The following TSPAN18 variants were observed in gnomAD, a reference collection of about 807,000 sequenced individuals.
The protein encoded by TSPAN18 is tetraspanin 18.
A neutral mutation model predicts 27.3 loss-of-function variants in TSPAN18; 14 were observed. The observed-to-expected ratio is 0.51, with a 90% CI of 0.34 to 0.80. The LOEUF (loss-of-function observed/expected upper bound fraction) is 0.80, where lower values mean the gene tolerates loss of function less well. Ranked by LOEUF, TSPAN18 falls within the 30% of genes least tolerant of loss-of-function variation. The pLI is 0.01. For synonymous variants in TSPAN18, 143 were observed against 136.5 expected, an observed-to-expected ratio of 1.05 and a Z score of -0.33; for missense variants, 268 against 323.9, an observed-to-expected ratio of 0.83 and a Z score of 1.32.
chr11:44,896,715 G>C (rs1465237844), intron 3 of TSPAN18, among the ~76,000 whole-genome samples: 1 of 152,082 alleles, frequency 6.6e-6, no homozygotes, highest in Non-Finnish European at 1.5e-5. Context: ...TATGCCGGTG[G>C]AGTTAGTCCT....
chr11:44,805,980 A>G (rs1464966097), intron 2 of TSPAN18, among the ~76,000 whole-genome samples: 1 of 151,818 alleles, frequency 6.6e-6, no homozygotes, highest in Non-Finnish European at 1.5e-5. Flanking sequence ...GATTCTTTCC[A>G]TATAAGGTCG....
intron 3 of TSPAN18, among the ~76,000 whole-genome samples, chr11:44,872,338 C>T (rs924790245): frequency 2.6e-5 from 4 of 152,166 alleles, no homozygotes; most frequent in South Asian, 2.1e-4. Context: ...AATGAAGTCA[C>T]GTTGGGGGTT....
intron 2 of TSPAN18, among the ~76,000 whole-genome samples, chr11:44,795,211 G>A (rs1002363634): frequency 3.1e-4 from 47 of 151,908 alleles, no homozygotes; most frequent in Non-Finnish European, 2.8e-4. Flanking sequence ...CGGTCCTCAC[G>A]CCAGCTGCTT....
At chr11:44,925,446 C>T (rs945329058) in intron 8 of TSPAN18, among the ~76,000 whole-genome samples, 2 of 152,188 alleles carry the variant, frequency 1.3e-5, no homozygotes, top group African/African-American at 4.8e-5. Context: ...TGGGGGACTT[C>T]CCTGCCCAGC....
intron 3 of TSPAN18, among the ~76,000 whole-genome samples, chr11:44,877,254 GAA>G (rs1858362371): frequency 6.6e-6 from 1 of 152,244 alleles, no homozygotes; most frequent in Non-Finnish European, 1.5e-5. Flanking sequence ...ATGACATTGT[GAA>G]GTCACTACTG....
intron 2 of TSPAN18, among the ~76,000 whole-genome samples, chr11:44,796,016 C>T (rs368716613): frequency 2.0e-4 from 31 of 152,160 alleles, no homozygotes; most frequent in African/African-American, 7.2e-4. Flanking sequence ...TTTTTGTGCC[C>T]TCTGGCCTTC....
At chr11:44,812,056 C>T (rs1856729523) in intron 2 of TSPAN18, among the ~76,000 whole-genome samples, 1 of 152,202 alleles carries the variant, frequency 6.6e-6, no homozygotes, top group Non-Finnish European at 1.5e-5. Flanking sequence ...TCTTTCATCA[C>T]TCTCAATGAG....
chr11:44,883,483 A>G (rs1405669131), intron 3 of TSPAN18, among the ~76,000 whole-genome samples: 1 of 152,176 alleles, frequency 6.6e-6, no homozygotes, highest in Non-Finnish European at 1.5e-5. Flanking sequence ...CTCAACATTC[A>G]CAATGACCTG....
chr11:44,908,070 AGG>A (rs1490257675), intron 4 of TSPAN18, among the ~76,000 whole-genome samples: 8 of 149,814 alleles, frequency 5.3e-5, no homozygotes, highest in African/African-American at 1.5e-4. Flanking sequence ...AAAAAAAAAA[AGG>A]AGAGAGACAC....
chr11:44,809,962 A>C (rs1433154150), intron 2 of TSPAN18, among the ~76,000 whole-genome samples: 1 of 152,196 alleles, frequency 6.6e-6, no homozygotes, highest in Non-Finnish European at 1.5e-5. Context: ...TGGAGGAGGA[A>C]ACGGCGCAAA....
At chr11:44,887,683 T>A (rs181365413) in intron 3 of TSPAN18, among the ~76,000 whole-genome samples, 1 of 152,178 alleles carries the variant, frequency 6.6e-6, no homozygotes, top group African/African-American at 2.4e-5. Flanking sequence ...TGTCTCACCC[T>A]CTCCCTGGGT....
chr11:44,908,769 G>GAAGGAA (rs1554938043), intron 4 of TSPAN18, among the ~76,000 whole-genome samples: 2 of 71,618 alleles, frequency 2.8e-5, no homozygotes, highest in African/African-American at 1.3e-4. Context: ...AGAGAGAAAG[G>GAAGGAA]AGAAAGAAAG....
At chr11:44,903,608 A>G (rs1590660918) in intron 3 of TSPAN18, 1 of 456,518 alleles carries the variant, frequency 2.2e-6, no homozygotes, top group Non-Finnish European at 4.4e-6. Flanking sequence ...CCATGTCTGG[A>G]TGAGAGAGAA....
At position 44,932,187 on chromosome 11, in the gene TSPAN18, T is replaced by A. The variant is rs1860601703; in HGVS notation, c.*3009T>A. 6.7e-6 allele frequency: 1 copy of A among 149,354 alleles called. No homozygotes were observed. Among genetic ancestry groups the A allele is most frequent in the African/African-American group, 2.6e-5 (1 of 38,856 alleles). 9.3% of individuals were successfully genotyped at this position (149,354 alleles called of 1,614,324 possible). ...ACCCGCCGTCTCCCCAGAAGCCCCCTCCTCCTTCCCCCATGGGTCATATGT... is the reference window on the plus strand; with the variant it reads ...ACCCGCCGTCTCCCCAGAAGCCCCCACCTCCTTCCCCCATGGGTCATATGT... On this transcript the variant is annotated 3_prime_UTR_variant, in exon 10 of 10. Transcript: ENST00000520358.
At chr11:44,820,492 G>A (rs138917758) in intron 2 of TSPAN18, among the ~76,000 whole-genome samples, 20 of 152,332 alleles carry the variant, frequency 1.3e-4, no homozygotes, top group African/African-American at 4.6e-4. Flanking sequence ...GAGGTGCCAC[G>A]TGGCACTTGA....
chr11:44,810,213 T>C (rs1413455456), intron 2 of TSPAN18, among the ~76,000 whole-genome samples: 1 of 152,220 alleles, frequency 6.6e-6, no homozygotes, highest in Non-Finnish European at 1.5e-5. Flanking sequence ...TCATTCATAG[T>C]GTCCTGTAGC....
chr11:44,742,910 C>T (rs778926739), intron 1 of TSPAN18, among the ~76,000 whole-genome samples: 3 of 152,344 alleles, frequency 2.0e-5, no homozygotes, highest in Non-Finnish European at 2.9e-5. Context: ...AGGCCAGGGC[C>T]TCCTTGTCTT....
At chr11:44,890,537 C>T (rs1035652976) in intron 3 of TSPAN18, among the ~76,000 whole-genome samples, 23 of 152,028 alleles carry the variant, frequency 1.5e-4, no homozygotes, top group Admixed American at 8.5e-4. Context: ...TCCTGGCTAA[C>T]ACAGTGAAAC....
chr11:44,731,920 T>C (rs1308744242), intron 1 of TSPAN18, among the ~76,000 whole-genome samples: 1 of 152,324 alleles, frequency 6.6e-6, no homozygotes, highest in South Asian at 2.1e-4. Context: ...GAAAACCATA[T>C]GTGCAGATAA....
Sources: allele counts gnomAD v4.1 joint callset (sites outside exome capture counted in the v4.1 genomes callset), GRCh38; gene constraint gnomAD v4.1.1; transcripts MANE v1.5; gene names NCBI Gene and HGNC (gene_info 2026-07-23, HGNC 2026-07-21).